The following KIF13A variants were observed in gnomAD, a reference collection of about 807,000 sequenced individuals.
The protein encoded by KIF13A is kinesin-like protein KIF13A.
Under a neutral mutation model 212.2 loss-of-function variants are expected in KIF13A, and 79 were observed. The observed-to-expected ratio is 0.37, with a 90% CI of 0.31 to 0.45. KIF13A has a LOEUF of 0.45. Ranked by LOEUF, KIF13A falls within the 20% of genes least tolerant of loss-of-function variation. The pLI, the probability that KIF13A is intolerant of heterozygous loss-of-function variation, is 1.00. For missense variants in KIF13A, 1,901 were observed against 2,209.0 expected, an observed-to-expected ratio of 0.86 and a Z score of 2.79; for synonymous variants, 789 against 808.6, an observed-to-expected ratio of 0.98 and a Z score of 0.41.
At chr6:17,806,651 G>A (rs900580660) in intron 18 of KIF13A, among the ~76,000 whole-genome samples, 11 of 152,080 alleles carry the variant, frequency 7.2e-5, no homozygotes, top group African/African-American at 2.2e-4. Flanking sequence ...AGGCCAAGGT[G>A]GGTGGATCAC....
rs1759513692 is a variant in KIF13A at position 17,771,726 on chromosome 6, A to G, written c.4476+182T>C. ...AAAGAAATAAAACCACAGCAGCAACAACAAACAAGAGATTCTACCATGACT... is the reference window on the plus strand; with the variant it reads ...AAAGAAATAAAACCACAGCAGCAACGACAAACAAGAGATTCTACCATGACT... On this transcript the variant is annotated intron_variant, in intron 37 of 38. Transcript: ENST00000259711. The surrounding 1 kb of genome is among the most constrained non-coding windows in gnomAD (Gnocchi z 5.4). The G allele has an allele frequency of 5.5e-6, 3 of 546,186 alleles. No homozygotes were observed. Among genetic ancestry groups the G allele is most frequent in the East Asian group, 5.3e-5 (2 of 37,686 alleles). The allele number at this position is 546,186 out of a possible 1,614,324, so 33.8% of individuals were successfully genotyped here. A position where few individuals can be genotyped will look rare whatever the true frequency, so the allele number is the denominator to read the frequency against.
At chr6:17,923,213 G>A (rs1202188755) in intron 2 of KIF13A, among the ~76,000 whole-genome samples, 1 of 151,976 alleles carries the variant, frequency 6.6e-6, no homozygotes, top group African/African-American at 2.4e-5. Flanking sequence ...AGTGGAGACT[G>A]CAGTGAGCCA....
intron 25 of KIF13A, among the ~76,000 whole-genome samples, chr6:17,790,451 A>G (rs568265927): frequency 6.6e-6 from 1 of 152,268 alleles, no homozygotes; most frequent in East Asian, 1.9e-4. Context: ...GGAGATAGGA[A>G]CCAACATAAT....
intron 2 of KIF13A, among the ~76,000 whole-genome samples, chr6:17,975,181 T>TAAAAATAA (rs990131163): frequency 1.3e-5 from 2 of 151,944 alleles, no homozygotes; most frequent in Non-Finnish European, 2.9e-5. Context: ...CTATCTCTAC[T>TAAAAATAA]AAAAATAAAA....
At chr6:17,879,298 G>A (rs1258063257) in intron 3 of KIF13A, among the ~76,000 whole-genome samples, 1 of 152,084 alleles carries the variant, frequency 6.6e-6, no homozygotes, top group South Asian at 2.1e-4. Context: ...CATAGTGCCT[G>A]TTTCAGTATT....
chr6:17,781,125 A>G, intron 30 of KIF13A, 52 bp downstream of exon 30: 1 of 1,608,658 alleles, frequency 6.2e-7, no homozygotes, highest in South Asian at 1.1e-5. Flanking sequence ...CAGGCCCACA[A>G]GCCTTGTGTG....
intron 3 of KIF13A, among the ~76,000 whole-genome samples, chr6:17,874,467 G>A (rs1273455593): frequency 6.6e-6 from 1 of 151,428 alleles, no homozygotes; most frequent in Non-Finnish European, 1.5e-5. Context: ...TTGGAGTCTC[G>A]CTTTGTTGCC....
chr6:17,809,077 C>T lies in KIF13A; in HGVS notation c.2001-147G>A. The T allele has an allele frequency of 1.3e-6, 1 of 748,986 alleles. No individual in the cohort carries two copies. The allele number at this position is 748,986 out of a possible 1,614,324, so 46.4% of individuals were successfully genotyped here. On this transcript the variant is annotated intron_variant, in intron 17 of 38. Coordinates refer to ENST00000259711, the MANE Select transcript of KIF13A (RefSeq NM_022113.6). This position sits in a 1 kb window ranked among gnomAD's most constrained non-coding sequence, Gnocchi z 4.7. ...TTACCAGACTACCTCTCATCCTTCC[C>T]TCCTGCCCACAGATGGGCTATCTGT...
At position 17,814,283 on chromosome 6, in the gene KIF13A, C is replaced by G. The variant is rs6913688; in HGVS notation, c.2000+2737G>C. ...TTTTTTTTTTTGAGACAGTCTTGCT[C>G]TGTCACCCAGGCTAGAGTGCAGTGG... is the stretch of plus-strand genomic sequence containing the variant. On this transcript the variant is annotated intron_variant, in intron 17 of 38. Coordinates refer to ENST00000259711, the MANE Select transcript of KIF13A (RefSeq NM_022113.6). Among the ~76,000 whole-genome samples the G allele has an allele frequency of 8.6e-5, 11 of 127,958 alleles. No homozygotes were observed. In the East Asian group the frequency reaches 2.5e-3, roughly 29 times the overall value. The allele number at this position is 127,958 out of a possible 152,430, so 83.9% of individuals were successfully genotyped here.
Position 17,895,348 on chromosome 6 carries a change from A to G in KIF13A, c.159+2820T>C, listed in dbSNP as rs1467483366. On this transcript the variant is annotated intron_variant, in intron 3 of 38. Coordinates refer to ENST00000259711, the MANE Select transcript of KIF13A (RefSeq NM_022113.6). The surrounding 1 kb of genome is among the most constrained non-coding windows in gnomAD (Gnocchi z 4.4). Reference sequence around the variant, plus strand: ...CCTTAACTTTGATGGTGTATTGGACATTGTATTTTTAAAACAGTTTGTGGA... The same window carrying G: ...CCTTAACTTTGATGGTGTATTGGACGTTGTATTTTTAAAACAGTTTGTGGA... Among the ~76,000 whole-genome samples, 1 of 152,174 alleles carries G rather than the reference A, an allele frequency of 6.6e-6. No individual in the cohort carries two copies. The highest frequency in any genetic ancestry group is 1.5e-5 in the Non-Finnish European group (1 of 68,032).
At chr6:17,846,210 C>G (rs1003955786) in intron 9 of KIF13A, among the ~76,000 whole-genome samples, 1 of 151,894 alleles carries the variant, frequency 6.6e-6, no homozygotes, top group South Asian at 2.1e-4. Context: ...CCTGCCTCAG[C>G]CTCCCAAAAT....
At chr6:17,842,811 A>T (rs2150388209) in intron 9 of KIF13A, among the ~76,000 whole-genome samples, 1 of 151,962 alleles carries the variant, frequency 6.6e-6, no homozygotes, top group East Asian at 1.9e-4. Context: ...AATAAAAGCC[A>T]CTCCAATAAA....
At chr6:17,795,674 G>A (rs1761971176) in intron 23 of KIF13A, among the ~76,000 whole-genome samples, 1 of 151,860 alleles carries the variant, frequency 6.6e-6, no homozygotes, top group South Asian at 2.1e-4. Flanking sequence ...AAATACCTAT[G>A]AGTGGGATTC....
chr6:17,987,185 C>A lies in KIF13A; in HGVS notation c.56-41G>T. 1 of 1,498,620 alleles carries A rather than the reference C, an allele frequency of 6.7e-7. No individual in the cohort carries two copies. 92.8% of individuals were successfully genotyped at this position (1,498,620 alleles called of 1,614,324 possible). A position where few individuals can be genotyped will look rare whatever the true frequency, so the allele number is the denominator to read the frequency against. On this transcript the variant is annotated intron_variant, in intron 1 of 38. Transcript: ENST00000259711. This position sits in a 1 kb window ranked among gnomAD's most constrained non-coding sequence, Gnocchi z 7.7. ...AAGGGACGTTGCAAAGTCCAGCATC[C>A]GCGCCTCCAGCCCGCCCGCCCGCCA...
intron 16 of KIF13A, among the ~76,000 whole-genome samples, chr6:17,822,262 C>T (rs966286524): frequency 6.6e-6 from 1 of 151,976 alleles, no homozygotes. Context: ...AGGGTGGTCT[C>T]GAACTCCTGA....
chr6:17,804,411 A>C lies in KIF13A; in HGVS notation c.2404T>G (p.Cys802Gly). The change falls in exon 20 of 39, where the codon TGT becomes GGT. Residue 802 changes from cysteine to glycine, a missense_variant. Physicochemically the swap from Cys to Gly is radical, Grantham distance 159. Coordinates refer to ENST00000259711, the MANE Select transcript of KIF13A (RefSeq NM_022113.6). ...VANVFLECLFCDVKLQYAVPI... is the reference protein window; with the variant it reads ...VANVFLECLFGDVKLQYAVPI... ...ACTGCATACTGAAGTTTCACATCAC[A>C]GAAGAGGCATTCCAAGAATACATTC... 2 of 1,558,484 alleles carry C rather than the reference A, an allele frequency of 1.3e-6. No homozygotes were observed. Among genetic ancestry groups the C allele is most frequent in the Non-Finnish European group, 1.7e-6 (2 of 1,150,388 alleles).
At chr6:17,853,348 A>C (rs2150402898) in intron 6 of KIF13A, among the ~76,000 whole-genome samples, 1 of 152,290 alleles carries the variant, frequency 6.6e-6, no homozygotes, top group East Asian at 1.9e-4. Flanking sequence ...CATTATACCA[A>C]GTGCCTGTGA....
At chr6:17,974,982 T>C (rs1429790001) in intron 2 of KIF13A, among the ~76,000 whole-genome samples, 1 of 152,162 alleles carries the variant, frequency 6.6e-6, no homozygotes, top group East Asian at 1.9e-4. Context: ...ACAGTGCTGG[T>C]CTAGACTAGT....
At chr6:17,782,633 T>TCAAAACAAAACAAAACAAAACAAAA (rs11271505) in intron 29 of KIF13A, among the ~76,000 whole-genome samples, 76 of 150,002 alleles carry the variant, frequency 5.1e-4, no homozygotes, top group Non-Finnish European at 6.2e-4. Context: ...AGACTCTGTC[T>TCAAAACAAAACAAAACAAAACAAAA]CAAAACAAAA....
Sources: gnomAD v4.1 joint callset for allele counts (sites outside exome capture counted in the v4.1 genomes callset) on GRCh38, gnomAD v4.1.1 for gene constraint, Gnocchi (gnomAD v3.1) non-coding constraint, MANE v1.5 for transcripts, NCBI Gene and HGNC (gene_info 2026-07-23, HGNC 2026-07-21) for gene names.